MAP2K4: variants seen among roughly 807,000 people sequenced by gnomAD.
The protein encoded by MAP2K4 is dual specificity mitogen-activated protein kinase kinase 4.
In MAP2K4, 4 loss-of-function variants were observed where a neutral mutation model predicts 48.5. The ratio of observed to expected loss-of-function variants is 0.08; its 90% CI spans 0.04 to 0.19. The LOEUF is 0.19. Ranked by LOEUF, MAP2K4 falls within the 10% of genes least tolerant of loss-of-function variation. The probability of loss-of-function intolerance (pLI) is 1.00; values close to 1 mark genes in which losing one functional copy is unlikely to be tolerated. For missense variants in MAP2K4, 258 were observed against 493.3 expected (o/e 0.52, Z 4.52); for synonymous variants, 166 against 173.1 (o/e 0.96, Z 0.32).
chr17:12,129,227 A>G lies in MAP2K4; in HGVS notation c.980A>G (p.Gln327Arg), dbSNP rs2151590850. The G allele has an allele frequency of 6.2e-7, 1 of 1,614,244 alleles. No homozygotes were observed. Among genetic ancestry groups the G allele is most frequent in the East Asian group, 2.2e-5 (1 of 44,892 alleles). The change falls in exon 9 of 11, where the codon CAG becomes CGG. Residue 327 changes from glutamine (Q) to arginine (R), a missense_variant. This residue lies in a region of MAP2K4 where 132 missense variants were observed against 352.8 expected (regional missense o/e 0.37). Transcript: ENST00000353533. ...LTQVVKGDPP[Q>R]LSNSEEREFS... ...CAAGTCGTGAAAGGAGATCCTCCGC[A>G]GCTGAGTAATTCTGAGGAAAGGGAA...
At chr17:12,138,978 C>T (rs58815307) in intron 9 of MAP2K4, among the ~76,000 whole-genome samples, 2 of 152,166 alleles carry the variant, frequency 1.3e-5, no homozygotes, top group African/African-American at 2.4e-5. Flanking sequence ...TGTCTGCTGG[C>T]GGCTTGCCCC....
intron 2 of MAP2K4, among the ~76,000 whole-genome samples, chr17:12,059,807 T>C (rs1420065725): frequency 6.6e-6 from 1 of 152,202 alleles, no homozygotes; most frequent in East Asian, 1.9e-4. Context: ...TCAGTAGAAC[T>C]TTATCTTAAA....
chr17:12,057,736 T>TC (rs1434250336), intron 2 of MAP2K4, among the ~76,000 whole-genome samples: 3 of 152,148 alleles, frequency 2.0e-5, no homozygotes, highest in Non-Finnish European at 4.4e-5. Flanking sequence ...GTTTTCTTAC[T>TC]CTGTATCCTG....
chr17:12,095,751 A>G lies in MAP2K4; in HGVS notation c.513+57A>G, dbSNP rs942682126. ...GAATATCTAATTGGGACAAATGAAG[A>G]TGGCAGGATTCGATTCTATTCTTAA... On this transcript the variant is annotated intron_variant, in intron 4 of 10. Coordinates refer to ENST00000353533, the MANE Select transcript of MAP2K4 (RefSeq NM_003010.4). 22 of 1,575,926 alleles carry G rather than the reference A, an allele frequency of 1.4e-5. No individual in the cohort carries two copies. In the African/African-American group the frequency reaches 2.3e-4, roughly 17 times the overall value.
chr17:12,063,214 A>G (rs1970507506), intron 2 of MAP2K4, among the ~76,000 whole-genome samples: 1 of 152,204 alleles, frequency 6.6e-6, no homozygotes, highest in African/African-American at 2.4e-5. Flanking sequence ...CCTGATTTCA[A>G]GGTTATCTGT....
chr17:12,121,958 G>A lies in MAP2K4; in HGVS notation c.814-3336G>A, dbSNP rs191559451. Among the ~76,000 whole-genome samples the A allele has an allele frequency of 4.7e-4, 72 of 152,212 alleles. 1 individual carries two copies. The East Asian group carries it at 9.8e-3, about 21-fold the overall frequency. On this transcript the variant is annotated intron_variant, in intron 7 of 10. Transcript: ENST00000353533. ...TCAGCAATGTTTTGTAGTTTTCAGT[G>A]TGCAGCTTTTGAAGACCTTTTAAAT...
intron 7 of MAP2K4, among the ~76,000 whole-genome samples, chr17:12,117,965 G>A (rs138754930): frequency 5.1e-4 from 78 of 152,256 alleles, no homozygotes; most frequent in Middle Eastern, 3.4e-3. Flanking sequence ...GGATCTGTCA[G>A]ACTCACAGTG....
chr17:12,045,565 C>T (rs1421762009), intron 1 of MAP2K4, among the ~76,000 whole-genome samples: 2 of 152,128 alleles, frequency 1.3e-5, no homozygotes, highest in African/African-American at 4.8e-5. Context: ...ATTCCTTATT[C>T]CATTAGTAAG....
At chr17:12,132,889 A>G (rs770283112) in intron 9 of MAP2K4, among the ~76,000 whole-genome samples, 2 of 152,204 alleles carry the variant, frequency 1.3e-5, no homozygotes, top group African/African-American at 2.4e-5. Flanking sequence ...GTAGGTAACA[A>G]TAAATGATTA....
chr17:12,097,059 C>A (rs1971779416), intron 4 of MAP2K4, among the ~76,000 whole-genome samples: 1 of 152,142 alleles, frequency 6.6e-6, no homozygotes, highest in Admixed American at 6.5e-5. Flanking sequence ...ATGACTGTAT[C>A]TTGGACCTAA....
intron 6 of MAP2K4, among the ~76,000 whole-genome samples, chr17:12,112,842 T>A (rs1043900747): frequency 5.3e-5 from 8 of 152,044 alleles, no homozygotes; most frequent in Non-Finnish European, 8.8e-5. Flanking sequence ...CTTGTGAAAA[T>A]TTTTTTTGAT....
chr17:12,048,943 C>G (rs1227921321), intron 1 of MAP2K4, among the ~76,000 whole-genome samples: 1 of 152,138 alleles, frequency 6.6e-6, no homozygotes, highest in Non-Finnish European at 1.5e-5. Context: ...AGGCATGAGC[C>G]ACCGTGCCTG....
intron 2 of MAP2K4, among the ~76,000 whole-genome samples, chr17:12,078,828 A>G (rs1016909346): frequency 7.9e-5 from 12 of 152,142 alleles, no homozygotes; most frequent in African/African-American, 2.7e-4. Context: ...TAGTCAGTCC[A>G]GTGCTGTATC....
intron 9 of MAP2K4, among the ~76,000 whole-genome samples, chr17:12,130,147 G>GT (rs1224510411): frequency 1.3e-5 from 2 of 151,910 alleles, no homozygotes; most frequent in Non-Finnish European, 2.9e-5. Flanking sequence ...CTCATTTTAG[G>GT]TCTTATAGAC....
At position 12,036,346 on chromosome 17, in the gene MAP2K4, A is replaced by T. The variant is rs537927925; in HGVS notation, c.115+15345A>T. 9.1e-4 allele frequency: 139 copies of T among 152,330 alleles called. 1 individual carries two copies. The highest frequency in any genetic ancestry group is 3.2e-3 in the African/African-American group (133 of 41,570). 9.4% of individuals were successfully genotyped at this position (152,330 alleles called of 1,614,324 possible). Reference sequence around the variant, plus strand: ...TGATTAATTTATCTGTTATTTGAAGATAATGTTTTTGTACATGTAAAGGTA... The same window carrying T: ...TGATTAATTTATCTGTTATTTGAAGTTAATGTTTTTGTACATGTAAAGGTA... On this transcript the variant is annotated intron_variant, in intron 1 of 10. Coordinates refer to ENST00000353533, the MANE Select transcript of MAP2K4 (RefSeq NM_003010.4).
intron 3 of MAP2K4, among the ~76,000 whole-genome samples, chr17:12,088,575 A>AT (rs1567653791): frequency 2.1e-4 from 29 of 138,072 alleles, no homozygotes; most frequent in African/African-American, 7.1e-4. Flanking sequence ...TTAAATATAT[A>AT]ATATATAATA....
chr17:12,028,130 A>G (rs1195614575), intron 1 of MAP2K4, among the ~76,000 whole-genome samples: 5 of 152,230 alleles, frequency 3.3e-5, no homozygotes. Flanking sequence ...GCCCGAAGGA[A>G]CATAATTGTA....
In MAP2K4 at chr17:12,125,909, T is replaced by G. The variant is rs865852396; in HGVS notation, c.891+538T>G. Among the ~76,000 whole-genome samples, 6 of 152,322 alleles carry G rather than the reference T, an allele frequency of 3.9e-5. No individual in the cohort carries two copies. In the South Asian group the frequency reaches 1.2e-3, roughly 32 times the overall value. ...ACAATATATTAGTCCATTCTCACAC[T>G]ACTGTAAAGAACTACATGAGACTGG... is the stretch of plus-strand genomic sequence containing the variant. On this transcript the variant is annotated intron_variant, in intron 8 of 10. Coordinates refer to ENST00000353533, the MANE Select transcript of MAP2K4 (RefSeq NM_003010.4).
intron 7 of MAP2K4, 35 bp from the exon 8 acceptor site, chr17:12,125,259 G>A (rs763374725): frequency 2.0e-6 from 3 of 1,518,264 alleles, no homozygotes; most frequent in Non-Finnish European, 2.7e-6. Context: ...TGAGTGTAAG[G>A]CAATTAATAA....
Sources: allele counts gnomAD v4.1 joint callset (sites outside exome capture counted in the v4.1 genomes callset), GRCh38; gene constraint gnomAD v4.1.1; regional missense constraint gnomAD v4.1.1; transcripts MANE v1.5; gene names NCBI Gene and HGNC (gene_info 2026-07-23, HGNC 2026-07-21).